Variants in ZNF90 observed in about 807,000 individuals in gnomAD.
ZNF90 encodes the protein zinc finger protein HTF9.
In ZNF90, 11 loss-of-function variants were observed where a neutral mutation model predicts 12.0. That is an observed-to-expected ratio of 0.92 (90% confidence interval 0.58 to 1.52). The LOEUF (loss-of-function observed/expected upper bound fraction) is 1.52. Ranked by LOEUF, ZNF90 falls within the 40% of genes most tolerant of loss-of-function variation. ZNF90 has a pLI of 0.00. For missense variants in ZNF90, 765 were observed against 711.5 expected (o/e 1.08, Z -0.86); for synonymous variants, 232 against 240.1 (o/e 0.97, Z 0.31).
At chr19:20,103,395 T>G (rs2089005748) in intron 1 of ZNF90, among the ~76,000 whole-genome samples, 1 of 152,214 alleles carries the variant, frequency 6.6e-6, no homozygotes, top group Non-Finnish European at 1.5e-5. Flanking sequence ...TGCCTCAGCT[T>G]TCTTCCCAAC....
At chr19:20,092,207 A>G (rs1014246910) in intron 1 of ZNF90, among the ~76,000 whole-genome samples, 10 of 152,158 alleles carry the variant, frequency 6.6e-5, no homozygotes, top group Admixed American at 1.3e-4. Context: ...AGCAGAAAGT[A>G]TATGTGTCAG....
chr19:20,097,307 C>A (rs1436000737), intron 1 of ZNF90, among the ~76,000 whole-genome samples: 1 of 152,148 alleles, frequency 6.6e-6, no homozygotes, highest in Non-Finnish European at 1.5e-5. Context: ...CTAGAGGGGA[C>A]TTTTCCTCTC....
chr19:20,119,282 G>T lies in ZNF90; in HGVS notation c.1728G>T (p.Leu576Phe). 2 of 1,613,286 alleles carry T rather than the reference G, an allele frequency of 1.2e-6. No homozygotes were observed. The highest frequency in any genetic ancestry group is 1.7e-6 in the Non-Finnish European group (2 of 1,179,670). The change falls in exon 4 of 4, where the codon TTG (leucine) becomes TTT (phenylalanine). Residue 576 changes from leucine (L) to phenylalanine (F), a missense_variant. Transcript: ENST00000418063. ...AAGAATGTGGCAAAGCTTTTAACTT[G>T]TCCTCAGACCTTAATACACATAAGA... ...KCEECGKAFN[L>F]SSDLNTHKRI...
At position 20,119,026 on chromosome 19, in the gene ZNF90, A is replaced by G. The variant is rs1351082134; in HGVS notation, c.1472A>G (p.Lys491Arg). The change falls in exon 4 of 4, where the codon AAG becomes AGG. Residue 491 changes from lysine to arginine, a missense_variant. Coordinates refer to ENST00000418063, the MANE Select transcript of ZNF90 (RefSeq NM_007138.2). The stretch of plus-strand genomic sequence containing the variant: ...TGTCAAGAATGTGACAAAGCCTTCA[A>G]GTACTCCTCAGCCCTTAGCACACAT... ...YKCQECDKAF[K>R]YSSALSTHKI... is the part of the protein sequence containing the mutation. The G allele has an allele frequency of 6.2e-7, 1 of 1,606,856 alleles. No homozygotes were observed. The highest frequency in any genetic ancestry group is 8.5e-7 in the Non-Finnish European group (1 of 1,176,296).
intron 3 of ZNF90, among the ~76,000 whole-genome samples, chr19:20,106,044 C>CATTTTTTTTTTTTTTTTT (rs1555704366): frequency 2.1e-4 from 15 of 71,048 alleles, no homozygotes; most frequent in African/African-American, 5.9e-4. Context: ...CTAATTTTTT[C>CATTTTTTTTTTTTTTTTT]TTTTTTTTTT....
chr19:20,095,884 G>T (rs550015398), intron 1 of ZNF90, among the ~76,000 whole-genome samples: 1 of 152,154 alleles, frequency 6.6e-6, no homozygotes, highest in Non-Finnish European at 1.5e-5. Flanking sequence ...GGGACTTGCC[G>T]CTAAGGGTGA....
chr19:20,083,352 A>G (rs2088835352), intron 1 of ZNF90, among the ~76,000 whole-genome samples: 1 of 151,094 alleles, frequency 6.6e-6, no homozygotes, highest in Non-Finnish European at 1.5e-5. Context: ...TTTGAGATGA[A>G]GTTTTGCTCT....
intron 1 of ZNF90, among the ~76,000 whole-genome samples, chr19:20,101,357 AC>A (rs2088988643): frequency 6.6e-6 from 1 of 152,154 alleles, no homozygotes; most frequent in Non-Finnish European, 1.5e-5. Flanking sequence ...GAGGCCAAGA[AC>A]CCCAGGTCAG....
intron 1 of ZNF90, chr19:20,080,509 G>A (rs1599637644): frequency 3.9e-6 from 1 of 259,024 alleles, no homozygotes; most frequent in South Asian, 4.9e-5. Flanking sequence ...GACTTGCAGC[G>A]TTTGTGCCAG....
Position 20,120,152 on chromosome 19 carries a change from C to G in ZNF90, c.*792C>G, listed in dbSNP as rs1330567812. On this transcript the variant is annotated 3_prime_UTR_variant, in exon 4 of 4. Coordinates refer to ENST00000418063, the MANE Select transcript of ZNF90 (RefSeq NM_007138.2). The stretch of plus-strand genomic sequence containing the variant: ...AAAACTTTTTAATCAGTGCATACAC[C>G]TTATTTCACAGGAAAGCTAGTATCC... Among the ~76,000 whole-genome samples, 3 of 152,112 alleles carry G rather than the reference C, an allele frequency of 2.0e-5. No homozygotes were observed. Among genetic ancestry groups the G allele is most frequent in the Non-Finnish European group, 1.5e-5 (1 of 68,030 alleles).
intron 1 of ZNF90, among the ~76,000 whole-genome samples, chr19:20,079,634 C>T (rs1005655216): frequency 1.3e-5 from 2 of 152,064 alleles, no homozygotes; most frequent in African/African-American, 2.4e-5. Flanking sequence ...GATTTTATAT[C>T]AGAGAATGTC....
chr19:20,115,564 CTT>C (rs1253213258), intron 3 of ZNF90, among the ~76,000 whole-genome samples: 4 of 150,972 alleles, frequency 2.6e-5, no homozygotes, highest in Non-Finnish European at 4.4e-5. Context: ...AAAAAAATAA[CTT>C]AAGTTATATG....
chr19:20,115,976 C>T (rs370740191), intron 3 of ZNF90, among the ~76,000 whole-genome samples: 4 of 152,086 alleles, frequency 2.6e-5, no homozygotes, highest in South Asian at 2.1e-4. Context: ...TAGGTTCAAG[C>T]GATTCTCCTG....
chr19:20,110,079 A>G (rs2089073774), intron 3 of ZNF90, among the ~76,000 whole-genome samples: 2 of 152,194 alleles, frequency 1.3e-5, no homozygotes, highest in African/African-American at 4.8e-5. Flanking sequence ...AAGTGACACA[A>G]TATTCTCAAT....
intron 1 of ZNF90, among the ~76,000 whole-genome samples, chr19:20,086,278 A>G (rs2088859188): frequency 1.6e-5 from 2 of 124,656 alleles, no homozygotes; most frequent in South Asian, 4.9e-4. Flanking sequence ...ACTCTTGCCC[A>G]GGCTGGAGTT....
chr19:20,081,341 A>G (rs1489566644), intron 1 of ZNF90, among the ~76,000 whole-genome samples: 1 of 152,064 alleles, frequency 6.6e-6, no homozygotes, highest in African/African-American at 2.4e-5. Context: ...AGTGAGTGCC[A>G]CCACACCCAG....
intron 1 of ZNF90, among the ~76,000 whole-genome samples, chr19:20,100,186 G>T (rs2088978456): frequency 6.6e-6 from 1 of 152,146 alleles, no homozygotes. Context: ...AGGATGGCTA[G>T]CCACCAAAGA....
intron 1 of ZNF90, among the ~76,000 whole-genome samples, chr19:20,080,868 C>A (rs770273415): frequency 6.6e-6 from 1 of 151,796 alleles, no homozygotes; most frequent in Non-Finnish European, 1.5e-5. Flanking sequence ...AGTTGTTTGA[C>A]GTTCAGCAAA....
intron 1 of ZNF90, among the ~76,000 whole-genome samples, chr19:20,102,374 G>A (rs1192635095): frequency 6.6e-6 from 1 of 151,992 alleles, no homozygotes; most frequent in Non-Finnish European, 1.5e-5. Context: ...CACCACTCTG[G>A]CTCTTACCAT....
Sources: allele counts gnomAD v4.1 joint callset (sites outside exome capture counted in the v4.1 genomes callset), GRCh38; gene constraint gnomAD v4.1.1; transcripts MANE v1.5; gene names NCBI Gene and HGNC (gene_info 2026-07-23, HGNC 2026-07-21).